The following ING3 variants were observed in gnomAD, a reference collection of about 807,000 sequenced individuals.
ING3 encodes inhibitor of growth family member 3, also known as inhibitor of growth protein 3.
Under a neutral mutation model 64.8 loss-of-function variants are expected in ING3, and 6 were observed. The observed-to-expected ratio is 0.09, with a 90% CI of 0.05 to 0.18. The LOEUF is 0.18. Among genes scored for constraint, ING3 ranks in the 10% least tolerant of loss-of-function variants. The pLI is 1.00. For missense variants in ING3, 310 were observed against 489.7 expected (o/e 0.63, Z 3.46); for synonymous variants, 170 against 173.7 (o/e 0.98, Z 0.17).
chr7:120,970,929 G>C, intron 10 of ING3, 49 bp downstream of exon 10: 3 of 1,446,022 alleles, frequency 2.1e-6, no homozygotes, highest in Non-Finnish European at 2.9e-6. Flanking sequence ...AAACTAGAAG[G>C]AAGAGAACTA....
intron 4 of ING3, chr7:120,956,669 A>T: frequency 1.0e-6 from 1 of 986,188 alleles, no homozygotes; most frequent in Non-Finnish European, 1.2e-6. Flanking sequence ...CTGTAGCTTG[A>T]TTTACTGTGG....
Position 120,970,694 on chromosome 7 carries a change from C to T in ING3, c.915C>T (p.Asn305=), listed in dbSNP as rs374432546. The T allele has an allele frequency of 6.2e-7, 1 of 1,613,440 alleles. No homozygotes were observed. The highest frequency in any genetic ancestry group is 8.5e-7 in the Non-Finnish European group (1 of 1,179,726). ...CTTATACTATTTTTTTCAGAAACAA[C>T]AACAAGTCTTCAAGCCAGCAGTCAT... ...DSRSGRKSKN[N]NKSSSQQSSS... The change falls in exon 10 of 12, where the codon AAC becomes AAT. Residue 305 remains asparagine, a synonymous_variant. Coordinates refer to ENST00000315870, the MANE Select transcript of ING3 (RefSeq NM_019071.3).
At position 120,970,853 on chromosome 7, in the gene ING3, T is replaced by C. The variant is rs756479223; in HGVS notation, c.1074T>C (p.Asn358=). The C allele has an allele frequency of 6.2e-7, 1 of 1,602,114 alleles. No homozygotes were observed. The highest frequency in any genetic ancestry group is 1.7e-5 in the Admixed American group (1 of 59,984). Residue 358 remains asparagine (N), a synonymous_variant, in exon 10 of 12, where the codon AAT becomes AAC. Transcript: ENST00000315870. ...NSQVDWTYDP[N]EPRYCICNQV... ...AGGTTGATTGGACTTACGACCCAAA[T>C]GAACCTCGATACTGCATTTGTAATC... is the stretch of plus-strand genomic sequence containing the variant.
chr7:120,956,389 G>C lies in ING3; in HGVS notation c.267+765G>C. ...TTTCATACTTATGTTGTCTTTCCTG[G>C]GTACAGATTTATTACTGAACAAGTA... is the stretch of plus-strand genomic sequence containing the variant. On this transcript the variant is annotated intron_variant, in intron 4 of 11. Transcript: ENST00000315870. 3 of 1,309,646 alleles carry C rather than the reference G, an allele frequency of 2.3e-6. No homozygotes were observed. In the South Asian group the frequency reaches 4.9e-5, roughly 21 times the overall value. The allele number at this position is 1,309,646 out of a possible 1,614,324, so 81.1% of individuals were successfully genotyped here.
rs894921800 is a variant in ING3, at chr7:120,972,286, G to A, written c.1102-919G>A. Among the ~76,000 whole-genome samples, 47 of 151,968 alleles carry A rather than the reference G, an allele frequency of 3.1e-4. 1 individual carries two copies. The highest frequency in any genetic ancestry group is 2.9e-5 in the Non-Finnish European group (2 of 67,966). On this transcript the variant is annotated intron_variant, in intron 10 of 11. Transcript: ENST00000315870. Reference sequence around the variant, plus strand: ...TATGGTTTTGTCTAGTTCTTTGCATGCTTCAGTTTCTTCACATTTAAGACT... The same window carrying A: ...TATGGTTTTGTCTAGTTCTTTGCATACTTCAGTTTCTTCACATTTAAGACT...
chr7:120,967,448 A>G (rs2116681437), intron 6 of ING3, 81 bp from the exon 7 acceptor site: 3 of 1,034,982 alleles, frequency 2.9e-6, no homozygotes, highest in Non-Finnish European at 4.1e-6. Flanking sequence ...ACTGTTTCAC[A>G]TTTTAACTGG....
intron 4 of ING3, among the ~76,000 whole-genome samples, chr7:120,962,777 G>A (rs2525717): frequency 0.28 from 42,805 of 151,278 alleles, 7,470 homozygotes; most frequent in African/African-American, 0.49. Flanking sequence ...GTCTTAATTC[G>A]TACCTCCTTC....
chr7:120,951,753 T>G (rs776348370), intron 2 of ING3, among the ~76,000 whole-genome samples: 56 of 152,260 alleles, frequency 3.7e-4, no homozygotes, highest in Non-Finnish European at 7.1e-4. Flanking sequence ...TGTAACAGAA[T>G]CGTCATTTTC....
Position 120,967,431 on chromosome 7 carries a change from A to G in ING3, c.437-98A>G, listed in dbSNP as rs1301574622. 5 of 828,714 alleles carry G rather than the reference A, an allele frequency of 6.0e-6. No individual in the cohort carries two copies. In the East Asian group the frequency reaches 1.1e-4, roughly 19 times the overall value. 51.3% of individuals were successfully genotyped at this position (828,714 alleles called of 1,614,324 possible). ...ATGTTCTGTATTTTATGAGGAACCC[A>G]GATCATACTGTTTCACATTTTAACT... On this transcript the variant is annotated intron_variant, in intron 6 of 11. Transcript: ENST00000315870.
At chr7:120,974,367 GCTGA>G (rs997382964) in intron 11 of ING3, among the ~76,000 whole-genome samples, 11 of 152,052 alleles carry the variant, frequency 7.2e-5, no homozygotes, top group African/African-American at 1.2e-4. Flanking sequence ...AGCAAATAAG[GCTGA>G]CTATTAAATA....
intron 4 of ING3, among the ~76,000 whole-genome samples, chr7:120,963,751 CCTT>C (rs1358133296): frequency 1.3e-5 from 2 of 152,120 alleles, no homozygotes; most frequent in Non-Finnish European, 2.9e-5. Flanking sequence ...ACCTTTCTCC[CCTT>C]CTTCCTCATG....
At chr7:120,959,891 C>T (rs549429791) in intron 4 of ING3, among the ~76,000 whole-genome samples, 16 of 151,932 alleles carry the variant, frequency 1.1e-4, no homozygotes, top group Admixed American at 3.3e-4. Context: ...GTGATCCGCC[C>T]GCCTCGGCCT....
In ING3 at chr7:120,952,318, G is replaced by A. The variant is rs974728682; in HGVS notation, c.101-986G>A. On this transcript the variant is annotated intron_variant, in intron 2 of 11. Transcript: ENST00000315870. Reference sequence around the variant, plus strand: ...TCTGACTGTATTATCACTTGTGAGGGGCTTACATTGTCTATAAAAAGAGAA... The same window carrying A: ...TCTGACTGTATTATCACTTGTGAGGAGCTTACATTGTCTATAAAAAGAGAA... Among the ~76,000 whole-genome samples the A allele has an allele frequency of 5.3e-5, 8 of 152,042 alleles. No homozygotes were observed. The South Asian group carries it at 6.2e-4, about 12-fold the overall frequency.
intron 3 of ING3, among the ~76,000 whole-genome samples, chr7:120,954,396 A>T (rs1253315131): frequency 6.6e-6 from 1 of 152,042 alleles, no homozygotes. Context: ...ACTGCACTAC[A>T]GCCTGGGCAA....
chr7:120,967,441 GT>G, intron 6 of ING3, 87 bp from the exon 7 acceptor site: 2 of 944,156 alleles, frequency 2.1e-6, no homozygotes, highest in Non-Finnish European at 3.0e-6. Flanking sequence ...AGATCATACT[GT>G]TTCACATTTT....
intron 4 of ING3, chr7:120,955,931 T>G: frequency 1.7e-6 from 1 of 581,192 alleles, no homozygotes; most frequent in South Asian, 2.2e-5. Context: ...CTTGTCTTCT[T>G]AAGGTAGTGT....
chr7:120,966,980 A>G (rs1796005210), intron 6 of ING3, among the ~76,000 whole-genome samples: 1 of 152,302 alleles, frequency 6.6e-6, no homozygotes, highest in African/African-American at 2.4e-5. Context: ...GAGCTTTTCA[A>G]CTGAGCATTC....
chr7:120,969,240 C>A, intron 9 of ING3, 36 bp downstream of exon 9: 2 of 1,533,138 alleles, frequency 1.3e-6, no homozygotes, highest in Non-Finnish European at 1.8e-6. Flanking sequence ...TATACCTTTA[C>A]TGAACACTTG....
At chr7:120,974,061 C>T (rs1796104689) in intron 11 of ING3, among the ~76,000 whole-genome samples, 1 of 152,104 alleles carries the variant, frequency 6.6e-6, no homozygotes. Flanking sequence ...GTTGCAAAAA[C>T]AATATTGCCC....
Sources: gnomAD v4.1 joint callset for allele counts (sites outside exome capture counted in the v4.1 genomes callset) on GRCh38, gnomAD v4.1.1 for gene constraint, MANE v1.5 for transcripts, NCBI Gene and HGNC (gene_info 2026-07-23, HGNC 2026-07-21) for gene names.